CNTNAP2: variants seen among roughly 807,000 people sequenced by gnomAD.
CNTNAP2 encodes the protein contactin-associated protein-like 2.
In CNTNAP2, 98 loss-of-function variants were observed where a neutral mutation model predicts 155.2. The ratio of observed to expected loss-of-function variants is 0.63; its 90% CI spans 0.54 to 0.75. The LOEUF is 0.75. Ranked by LOEUF, CNTNAP2 falls within the 30% of genes least tolerant of loss-of-function variation. The pLI is 0.00. For synonymous variants in CNTNAP2, 651 were observed against 631.2 expected, an observed-to-expected ratio of 1.03 and a Z score of -0.47; for missense variants, 1,727 against 1,688.1, an observed-to-expected ratio of 1.02 and a Z score of -0.40.
chr7:147,268,423 A>G (rs1563140219), intron 8 of CNTNAP2, among the ~76,000 whole-genome samples: 2 of 152,178 alleles, frequency 1.3e-5, no homozygotes, highest in African/African-American at 4.8e-5. Flanking sequence ...CAGGAAGGAA[A>G]CACCACGTGT....
chr7:147,744,716 G>A (rs573077659), intron 13 of CNTNAP2, among the ~76,000 whole-genome samples: 46 of 152,274 alleles, frequency 3.0e-4, no homozygotes, highest in Non-Finnish European at 3.2e-4. Flanking sequence ...GCTGACGGCT[G>A]CCTTCTTGTT....
intron 1 of CNTNAP2, among the ~76,000 whole-genome samples, chr7:146,423,283 C>T (rs1430482942): frequency 1.3e-5 from 2 of 152,038 alleles, no homozygotes; most frequent in African/African-American, 4.8e-5. Flanking sequence ...CAGTAGCGAT[C>T]AATTCTATGA....
intron 1 of CNTNAP2, among the ~76,000 whole-genome samples, chr7:146,498,509 CT>C (rs1250874870): frequency 1.3e-5 from 2 of 152,098 alleles, no homozygotes; most frequent in African/African-American, 4.8e-5. Context: ...ATTCTATAAG[CT>C]TTTCCCCCCA....
intron 17 of CNTNAP2, among the ~76,000 whole-genome samples, chr7:148,157,766 C>G (rs1459474046): frequency 1.3e-5 from 2 of 152,112 alleles, no homozygotes; most frequent in Non-Finnish European, 2.9e-5. Context: ...GTTCTTGGTT[C>G]TCTCTGGGAT....
chr7:146,347,157 A>AG (rs1178118884), intron 1 of CNTNAP2, among the ~76,000 whole-genome samples: 1 of 151,628 alleles, frequency 6.6e-6, no homozygotes, highest in Admixed American at 6.6e-5. Context: ...AAAAAAAAAA[A>AG]AAAACCCTGC....
intron 8 of CNTNAP2, among the ~76,000 whole-genome samples, chr7:147,267,047 G>A (rs975160006): frequency 3.9e-5 from 6 of 152,124 alleles, no homozygotes; most frequent in Non-Finnish European, 7.4e-5. Context: ...TTTTCAATAG[G>A]GGATTTTCTA....
At chr7:147,738,995 C>T (rs4392814) in intron 13 of CNTNAP2, among the ~76,000 whole-genome samples, 118,898 of 152,042 alleles carry the variant, frequency 0.78, 46,678 homozygotes, top group East Asian at 0.99. Flanking sequence ...CAAAAAATTC[C>T]TGTGACTGTT....
chr7:147,007,554 G>A (rs1798547432), intron 3 of CNTNAP2, among the ~76,000 whole-genome samples: 2 of 151,930 alleles, frequency 1.3e-5, no homozygotes, highest in African/African-American at 4.8e-5. Flanking sequence ...TCAGATTAAT[G>A]TAAATTAAAT....
chr7:146,307,012 A>C (rs570769176), intron 1 of CNTNAP2, among the ~76,000 whole-genome samples: 1 of 152,304 alleles, frequency 6.6e-6, no homozygotes, highest in South Asian at 2.1e-4. Flanking sequence ...AATAAAGGGT[A>C]TTCATTTAGG....
At chr7:147,044,142 G>T in intron 4 of CNTNAP2, 88 bp downstream of exon 4, 1 of 1,466,336 alleles carries the variant, frequency 6.8e-7, no homozygotes, top group African/African-American at 1.4e-5. Context: ...AACATTACTT[G>T]CTTTCTCTGA....
intron 22 of CNTNAP2, among the ~76,000 whole-genome samples, chr7:148,401,501 A>T (rs1038152351): frequency 6.6e-6 from 1 of 152,162 alleles, no homozygotes. Context: ...ATAACAAGAC[A>T]TTTATCTCAC....
At chr7:147,255,657 T>C (rs6975114) in intron 8 of CNTNAP2, among the ~76,000 whole-genome samples, 56,625 of 152,100 alleles carry the variant, frequency 0.37, 11,070 homozygotes, top group Middle Eastern at 0.45. Flanking sequence ...ATAAAAGTAA[T>C]ACATTTTACG....
chr7:147,599,838 C>T (rs1037027406), intron 12 of CNTNAP2, among the ~76,000 whole-genome samples: 3 of 152,142 alleles, frequency 2.0e-5, no homozygotes, highest in African/African-American at 4.8e-5. Flanking sequence ...TCTGCAAAGA[C>T]GCTATTTCCA....
At chr7:146,627,103 T>G (rs1799433015) in intron 1 of CNTNAP2, among the ~76,000 whole-genome samples, 1 of 152,150 alleles carries the variant, frequency 6.6e-6, no homozygotes, top group African/African-American at 2.4e-5. Context: ...AGTCACATCT[T>G]ACATGGATGG....
chr7:147,558,577 G>A (rs1037137363), intron 11 of CNTNAP2, among the ~76,000 whole-genome samples: 12 of 152,208 alleles, frequency 7.9e-5, no homozygotes, highest in African/African-American at 2.9e-4. Context: ...TTGGACTGAA[G>A]TGTTTGGTTT....
chr7:146,544,673 A>C (rs1311512732), intron 1 of CNTNAP2, among the ~76,000 whole-genome samples: 1 of 151,934 alleles, frequency 6.6e-6, no homozygotes, highest in South Asian at 2.1e-4. Context: ...TTTAAAGAAC[A>C]AGAAAAGCAG....
At chr7:147,848,961 G>T (rs1037117136) in intron 13 of CNTNAP2, among the ~76,000 whole-genome samples, 1 of 151,900 alleles carries the variant, frequency 6.6e-6, no homozygotes, top group Non-Finnish European at 1.5e-5. Flanking sequence ...CTCCATATTA[G>T]AGATTCTGTA....
In CNTNAP2 at chr7:146,804,141, C is replaced by A. The variant is rs114854776; in HGVS notation, c.208+29760C>A. 2.5e-3 allele frequency among the ~76,000 whole-genome samples: 374 copies of A among 152,174 alleles called. 2 individuals are homozygous for A. The highest frequency in any genetic ancestry group is 8.6e-3 in the African/African-American group (359 of 41,522). On this transcript the variant is annotated intron_variant, in intron 2 of 23. Coordinates refer to ENST00000361727, the MANE Select transcript of CNTNAP2 (RefSeq NM_014141.6). ...ATGCAGGCACAGTTTTAGAAATGGGCTGGCAAAGGAAGCAAGAGGGAACAG... is the reference window on the plus strand; with the variant it reads ...ATGCAGGCACAGTTTTAGAAATGGGATGGCAAAGGAAGCAAGAGGGAACAG...
At chr7:146,744,227 C>CAAAAAAAA (rs60606492) in intron 1 of CNTNAP2, among the ~76,000 whole-genome samples, 11 of 48,158 alleles carry the variant, frequency 2.3e-4, no homozygotes, top group African/African-American at 4.9e-4. Flanking sequence ...CACTCTGTCT[C>CAAAAAAAA]AAAAAAAAAA....
Sources: gnomAD v4.1 joint callset for allele counts (sites outside exome capture counted in the v4.1 genomes callset) on GRCh38, gnomAD v4.1.1 for gene constraint, MANE v1.5 for transcripts, NCBI Gene and HGNC (gene_info 2026-07-23, HGNC 2026-07-21) for gene names.